The following OR2L13 variants were observed in gnomAD, a reference collection of about 807,000 sequenced individuals.
The protein encoded by OR2L13 is olfactory receptor family 2 subfamily L member 13, also known as olfactory receptor 2L13.
A neutral mutation model predicts 15.3 loss-of-function variants in OR2L13; 14 were observed. The observed-to-expected ratio is 0.91, with a 90% CI of 0.60 to 1.43. The LOEUF (loss-of-function observed/expected upper bound fraction) is 1.43. Ranked by LOEUF, OR2L13 falls within the 40% of genes most tolerant of loss-of-function variation. The pLI is 0.00. For synonymous variants in OR2L13, 152 were observed against 142.9 expected, an observed-to-expected ratio of 1.06 and a Z score of -0.45; for missense variants, 367 against 387.9, an observed-to-expected ratio of 0.95 and a Z score of 0.45.
the OR2L13 span, among the ~76,000 whole-genome samples, chr1:247,948,460 G>C: frequency 6.6e-6 from 1 of 152,038 alleles, no homozygotes; most frequent in Non-Finnish European, 1.5e-5. Flanking sequence ...AAAAAAACTA[G>C]TAACAAATGT....
the OR2L13 span, among the ~76,000 whole-genome samples, chr1:247,993,712 C>G: frequency 1.0e-4 from 14 of 140,450 alleles, no homozygotes; most frequent in South Asian, 2.4e-4. Flanking sequence ...CCAACAAATT[C>G]CTGTGGTGCT....
the OR2L13 span, among the ~76,000 whole-genome samples, chr1:248,013,927 G>A: frequency 1.6e-4 from 24 of 152,166 alleles, no homozygotes; most frequent in Admixed American, 2.6e-4. Context: ...TGTTTTTGCC[G>A]CTAATTCATA....
chr1:247,991,039 T>A, the OR2L13 span: 3 of 1,553,600 alleles, frequency 1.9e-6, no homozygotes, highest in South Asian at 3.3e-5. Context: ...TGCTTATACC[T>A]ATCTACGCCC....
the OR2L13 span, chr1:248,045,655 C>T: frequency 6.6e-6 from 1 of 152,214 alleles, no homozygotes; most frequent in African/African-American, 2.4e-5. Context: ...AGGAATTCTT[C>T]AGCTTTTCAA....
the OR2L13 span, among the ~76,000 whole-genome samples, chr1:248,035,909 A>G: frequency 6.6e-6 from 1 of 152,170 alleles, no homozygotes; most frequent in African/African-American, 2.4e-5. Flanking sequence ...TACATAAAAT[A>G]TATACTCTTG....
chr1:247,960,436 A>G, the OR2L13 span, among the ~76,000 whole-genome samples: 1 of 152,194 alleles, frequency 6.6e-6, no homozygotes, highest in African/African-American at 2.4e-5. Context: ...CTTCAGCTGC[A>G]TGCTGGGAGA....
At chr1:248,017,723 G>A in the OR2L13 span, among the ~76,000 whole-genome samples, 158 of 152,246 alleles carry the variant, frequency 1.0e-3, no homozygotes, top group African/African-American at 3.6e-3. Context: ...ACCATCGCAG[G>A]CAGAGCTGGG....
the OR2L13 span, among the ~76,000 whole-genome samples, chr1:247,979,652 G>T: frequency 6.6e-6 from 1 of 151,874 alleles, no homozygotes; most frequent in Non-Finnish European, 1.5e-5. Flanking sequence ...CTTGACCTCC[G>T]TGGGCTGCAC....
At chr1:247,980,541 A>G in the OR2L13 span, among the ~76,000 whole-genome samples, 1 of 152,198 alleles carries the variant, frequency 6.6e-6, no homozygotes, top group Non-Finnish European at 1.5e-5. Context: ...AATAAACATA[A>G]TTGTTTCTTT....
the OR2L13 span, among the ~76,000 whole-genome samples, chr1:248,034,399 T>C: frequency 1.3e-5 from 2 of 151,866 alleles, no homozygotes; most frequent in East Asian, 1.9e-4. Context: ...AATCAGAAAG[T>C]ATCAGTTTTT....
At chr1:248,012,802 T>A in the OR2L13 span, among the ~76,000 whole-genome samples, 5,622 of 152,108 alleles carry the variant, frequency 0.037, 305 homozygotes, top group African/African-American at 0.13. Context: ...TATCAATTAA[T>A]TAAATAAATG....
chr1:248,006,096 A>G, the OR2L13 span, among the ~76,000 whole-genome samples: 1 of 152,172 alleles, frequency 6.6e-6, no homozygotes, highest in Non-Finnish European at 1.5e-5. Context: ...TGCTACTGCC[A>G]GGGAGAGCAC....
the OR2L13 span, among the ~76,000 whole-genome samples, chr1:248,056,094 T>A: frequency 1.3e-5 from 2 of 152,228 alleles, no homozygotes; most frequent in African/African-American, 4.8e-5. Flanking sequence ...GTTGTTTGTG[T>A]TCCTGTGGGG....
At chr1:247,989,772 C>T in the OR2L13 span, among the ~76,000 whole-genome samples, 1 of 152,090 alleles carries the variant, frequency 6.6e-6, no homozygotes, top group Non-Finnish European at 1.5e-5. Context: ...GTGGTTTCTC[C>T]TGAAATCAAC....
At chr1:247,979,844 T>G in the OR2L13 span, among the ~76,000 whole-genome samples, 2 of 152,094 alleles carry the variant, frequency 1.3e-5, no homozygotes, top group Non-Finnish European at 2.9e-5. Context: ...GTTTAAAAGG[T>G]AAAGAAATTC....
At chr1:248,010,763 GTTTTTTT>G in the OR2L13 span, among the ~76,000 whole-genome samples, 6 of 44,474 alleles carry the variant, frequency 1.3e-4, no homozygotes, top group Admixed American at 4.1e-4. Context: ...CTTTGTTGTT[GTTTTTTT>G]TTTTTTTTTT....
the OR2L13 span, chr1:247,965,820 A>C: frequency 1.2e-6 from 2 of 1,612,032 alleles, no homozygotes; most frequent in Non-Finnish European, 1.7e-6. Flanking sequence ...TTGCATGTGC[A>C]TGGGCCAGTG....
At chr1:248,054,078 T>C in the OR2L13 span, among the ~76,000 whole-genome samples, 1 of 152,196 alleles carries the variant, frequency 6.6e-6, no homozygotes, top group Non-Finnish European at 1.5e-5. Context: ...TTCTAGGGCT[T>C]TTATAGTTTT....
chr1:248,022,518 A>G, the OR2L13 span: 1 of 1,614,150 alleles, frequency 6.2e-7, no homozygotes, highest in Non-Finnish European at 8.5e-7. Context: ...CTGTACAGAC[A>G]CCTGGGTCTA....
Sources: allele counts gnomAD v4.1 joint callset (sites outside exome capture counted in the v4.1 genomes callset), GRCh38; gene constraint gnomAD v4.1.1; transcripts MANE v1.5; gene names NCBI Gene and HGNC (gene_info 2026-07-23, HGNC 2026-07-21).